Variants in MAST4 observed in about 807,000 individuals in gnomAD.
MAST4 encodes microtubule associated serine/threonine kinase family member 4.
MAST4 carries 89 observed loss-of-function variants against 162.7 expected under a neutral mutation model. The ratio of observed to expected loss-of-function variants is 0.55; its 90% CI spans 0.46 to 0.65. The LOEUF (loss-of-function observed/expected upper bound fraction) is 0.65, where lower values mean the gene tolerates loss of function less well. Among genes scored for constraint, MAST4 ranks in the 30% least tolerant of loss-of-function variants. The pLI is 0.00. For missense variants in MAST4, 3,153 were observed against 3,374.0 expected (o/e 0.93, Z 1.62); for synonymous variants, 1,479 against 1,361.1 (o/e 1.09, Z -1.91).
intron 4 of MAST4, among the ~76,000 whole-genome samples, chr5:67,030,204 C>T (rs1363030898): frequency 6.6e-6 from 1 of 152,080 alleles, no homozygotes; most frequent in Non-Finnish European, 1.5e-5. Flanking sequence ...TTTAACAAAT[C>T]ATTTCTCAGG....
chr5:66,818,328 G>C (rs1205185345), intron 3 of MAST4, among the ~76,000 whole-genome samples: 1 of 152,040 alleles, frequency 6.6e-6, no homozygotes, highest in Non-Finnish European at 1.5e-5. Flanking sequence ...GAAGAGCCAT[G>C]GACTCAATGT....
chr5:67,063,998 A>T (rs886332972), intron 5 of MAST4, among the ~76,000 whole-genome samples: 1 of 152,158 alleles, frequency 6.6e-6, no homozygotes, highest in Admixed American at 6.5e-5. Flanking sequence ...TATTGGGCCA[A>T]CTTGCTCATG....
intron 1 of MAST4, among the ~76,000 whole-genome samples, chr5:66,713,011 T>A (rs2149526303): frequency 6.6e-6 from 1 of 152,360 alleles, no homozygotes; most frequent in East Asian, 1.9e-4. Context: ...CCTGATGTAC[T>A]TATTTTCCAT....
intron 1 of MAST4, among the ~76,000 whole-genome samples, chr5:66,670,312 G>T (rs1156549163): frequency 6.6e-6 from 1 of 152,082 alleles, no homozygotes; most frequent in Admixed American, 6.5e-5. Flanking sequence ...CCTTCATTGT[G>T]TATGGGTCTC....
chr5:66,766,486 G>A (rs752935381), intron 2 of MAST4, among the ~76,000 whole-genome samples: 65 of 151,984 alleles, frequency 4.3e-4, no homozygotes, highest in Non-Finnish European at 7.4e-4. Context: ...TTGGAATAAC[G>A]TCTGAAAATT....
chr5:66,797,190 T>G (rs569927821), intron 3 of MAST4, among the ~76,000 whole-genome samples: 1 of 152,312 alleles, frequency 6.6e-6, no homozygotes, highest in East Asian at 1.9e-4. Context: ...TTTGCTATCT[T>G]ATTCTCAAAA....
intron 4 of MAST4, among the ~76,000 whole-genome samples, chr5:66,931,257 T>G (rs1742160796): frequency 6.6e-6 from 1 of 152,200 alleles, no homozygotes; most frequent in African/African-American, 2.4e-5. Flanking sequence ...TTATCCTTAT[T>G]TTTATGGAGT....
At chr5:67,125,411 C>T (rs1768099484) in intron 14 of MAST4, among the ~76,000 whole-genome samples, 3 of 152,046 alleles carry the variant, frequency 2.0e-5, no homozygotes, top group South Asian at 4.2e-4. Context: ...TAGCCCCCAA[C>T]TCCCCGACAG....
In MAST4 at chr5:67,110,164, G is replaced by T; in HGVS notation, c.1423G>T (p.Val475Phe). The change falls in exon 11 of 29, where the codon GTT (valine) becomes TTT (phenylalanine). Residue 475 changes from valine to phenylalanine, a missense_variant. Transcript: ENST00000403625. ...ACAACTAGTTCGAAAGATCCTAATTGTTATTGCCCGCCCTGCTCGGTTATT... is the reference window on the plus strand; with the variant it reads ...ACAACTAGTTCGAAAGATCCTAATTTTTATTGCCCGCCCTGCTCGGTTATT... ...IKQLVRKILI[V>F]IARPARLLEC... 6.2e-7 allele frequency: 1 copy of T among 1,613,682 alleles called. No individual in the cohort carries two copies.
At chr5:66,914,732 G>A (rs551580189) in intron 4 of MAST4, among the ~76,000 whole-genome samples, 1 of 152,288 alleles carries the variant, frequency 6.6e-6, no homozygotes, top group South Asian at 2.1e-4. Context: ...ATCTAGGACA[G>A]TGGGTCTCAA....
intron 5 of MAST4, among the ~76,000 whole-genome samples, chr5:67,072,909 AT>A (rs1761148955): frequency 6.6e-6 from 1 of 152,238 alleles, no homozygotes; most frequent in South Asian, 2.1e-4. Flanking sequence ...GTAAACTGTT[AT>A]GAATAATGGA....
At chr5:66,814,700 G>A (rs1756640074) in intron 3 of MAST4, among the ~76,000 whole-genome samples, 1 of 152,224 alleles carries the variant, frequency 6.6e-6, no homozygotes, top group Admixed American at 6.5e-5. Flanking sequence ...TGAGATAAAG[G>A]TATGCCCTAC....
At chr5:66,790,871 T>A (rs925635420) in intron 3 of MAST4, among the ~76,000 whole-genome samples, 1 of 141,932 alleles carries the variant, frequency 7.0e-6, no homozygotes, top group East Asian at 2.2e-4. Flanking sequence ...TACTTCACAA[T>A]TCATGATTTT....
At chr5:66,996,349 A>G (rs752848447) in intron 4 of MAST4, among the ~76,000 whole-genome samples, 22 of 152,286 alleles carry the variant, frequency 1.4e-4, no homozygotes, top group Admixed American at 5.2e-4. Context: ...TATATATAAT[A>G]TCTTAATGTA....
At chr5:66,829,505 G>A (rs1419601733) in intron 3 of MAST4, among the ~76,000 whole-genome samples, 1 of 152,054 alleles carries the variant, frequency 6.6e-6, no homozygotes, top group East Asian at 1.9e-4. Flanking sequence ...TTAAAACTTG[G>A]CAAATCAGAA....
At position 66,895,492 on chromosome 5, in the gene MAST4, A is replaced by G. The variant is rs923527408; in HGVS notation, c.643-4459A>G. Among the ~76,000 whole-genome samples the G allele has an allele frequency of 3.9e-5, 6 of 152,138 alleles. No individual in the cohort carries two copies. In the East Asian group the frequency reaches 1.2e-3, roughly 29 times the overall value. On this transcript the variant is annotated intron_variant, in intron 3 of 28. Transcript: ENST00000403625. The stretch of plus-strand genomic sequence containing the variant: ...CTACTTGGAATTCTTACAGACAGAC[A>G]TCTTGAATGTAGCATGTCAAAAGCT...
At chr5:66,867,039 G>A (rs1760579478) in intron 3 of MAST4, among the ~76,000 whole-genome samples, 1 of 152,188 alleles carries the variant, frequency 6.6e-6, no homozygotes, top group Non-Finnish European at 1.5e-5. Context: ...AGGGTTACAA[G>A]CGTGAGCCAC....
chr5:67,055,042 G>A (rs1758636925), intron 5 of MAST4, among the ~76,000 whole-genome samples: 2 of 151,858 alleles, frequency 1.3e-5, no homozygotes, highest in South Asian at 4.1e-4. Flanking sequence ...TCTATCCATG[G>A]TGATGCAAAG....
At chr5:66,752,086 G>A (rs2149595491) in intron 1 of MAST4, among the ~76,000 whole-genome samples, 1 of 152,260 alleles carries the variant, frequency 6.6e-6, no homozygotes, top group South Asian at 2.1e-4. Context: ...TTACAGACAA[G>A]CAAATGCTGA....
Sources: allele counts gnomAD v4.1 joint callset (sites outside exome capture counted in the v4.1 genomes callset), GRCh38; gene constraint gnomAD v4.1.1; transcripts MANE v1.5; gene names NCBI Gene and HGNC (gene_info 2026-07-23, HGNC 2026-07-21).